Variants in ERO1B observed in about 807,000 individuals in gnomAD.
The protein encoded by ERO1B is endoplasmic reticulum oxidoreductase 1 beta.
A neutral mutation model predicts 75.3 loss-of-function variants in ERO1B; 49 were observed. The ratio of observed to expected loss-of-function variants is 0.65; its 90% CI spans 0.52 to 0.83. The LOEUF is 0.83. Among genes scored for constraint, ERO1B ranks in the 40% least tolerant of loss-of-function variants. The probability of loss-of-function intolerance (pLI) is 0.00; values close to 1 mark genes in which losing one functional copy is unlikely to be tolerated. For missense variants in ERO1B, 512 were observed against 560.1 expected, an observed-to-expected ratio of 0.91 and a Z score of 0.87; for synonymous variants, 191 against 192.9, an observed-to-expected ratio of 0.99 and a Z score of 0.08.
At chr1:236,264,959 T>C (rs1665398788) in intron 2 of ERO1B, among the ~76,000 whole-genome samples, 1 of 152,070 alleles carries the variant, frequency 6.6e-6, no homozygotes, top group Admixed American at 6.5e-5. Flanking sequence ...CTAGGCAATA[T>C]ATCCATGTAA....
intron 2 of ERO1B, among the ~76,000 whole-genome samples, chr1:236,256,919 G>A (rs74150397): frequency 2.6e-5 from 4 of 151,892 alleles, no homozygotes; most frequent in Non-Finnish European, 5.9e-5. Flanking sequence ...TCTCTTCCAA[G>A]TTAAAAAGTC....
At position 236,276,026 on chromosome 1, in the gene ERO1B, C is replaced by T. The variant is rs73117227; in HGVS notation, c.102+5656G>A. On this transcript the variant is annotated intron_variant, in intron 1 of 15. Coordinates refer to ENST00000354619, the MANE Select transcript of ERO1B (RefSeq NM_019891.4). ...TAACAGAGTGAATCATATGAATACA[C>T]GAGAAAAGTGTGTGCTAGGTAGAAG... is the stretch of plus-strand genomic sequence containing the variant. 1.6e-3 allele frequency among the ~76,000 whole-genome samples: 243 copies of T among 152,188 alleles called. 2 individuals carry two copies. Among genetic ancestry groups the T allele is most frequent in the African/African-American group, 5.5e-3 (227 of 41,516 alleles).
chr1:236,264,779 A>G (rs1376530292), intron 2 of ERO1B, among the ~76,000 whole-genome samples: 2 of 152,064 alleles, frequency 1.3e-5, no homozygotes, highest in Admixed American at 1.3e-4. Context: ...CAGGAGGTGG[A>G]GATTGCAGTG....
intron 2 of ERO1B, among the ~76,000 whole-genome samples, chr1:236,258,148 G>GAAAAA (rs1665205894): frequency 7.2e-4 from 1 of 1,392 alleles, no homozygotes; most frequent in African/African-American, 1.7e-3. Context: ...GAAAAACAAA[G>GAAAAA]CAAAAAAAAA....
chr1:236,241,272 G>A (rs1020251652), intron 6 of ERO1B, among the ~76,000 whole-genome samples: 2 of 152,174 alleles, frequency 1.3e-5, no homozygotes, highest in African/African-American at 2.4e-5. Context: ...GGCCAGGCAC[G>A]GTGGCTGATG....
chr1:236,269,983 A>G lies in ERO1B; in HGVS notation c.114T>C (p.Val38=). 1 of 1,594,580 alleles carries G rather than the reference A, an allele frequency of 6.3e-7. No individual in the cohort carries two copies. Among genetic ancestry groups the G allele is most frequent in the Non-Finnish European group, 8.6e-7 (1 of 1,166,162 alleles). ...CAATATCACACAAGCAATCATCCAG[A>G]ACTCCAGTGACCTAGAATTTATATA... ...RSVVEAQVTG[V]LDDCLCDIDS... The change falls in exon 2 of 16, where the codon GTT becomes GTC. Residue 38 remains valine (V), a synonymous_variant. Transcript: ENST00000354619.
Position 236,218,423 on chromosome 1 carries a change from G to T in ERO1B, c.*93C>A. The T allele has an allele frequency of 8.3e-7, 1 of 1,209,610 alleles. No homozygotes were observed. Among genetic ancestry groups the T allele is most frequent in the East Asian group, 4.0e-5 (1 of 25,204 alleles). The allele number at this position is 1,209,610 out of a possible 1,614,324, so 74.9% of individuals were successfully genotyped here. The stretch of plus-strand genomic sequence containing the variant: ...TTCTATTTAATAGTTCAGAATTCTT[G>T]AAGTCAGATTAGTGTCTTTCTGATG... On this transcript the variant is annotated 3_prime_UTR_variant, in exon 16 of 16. Coordinates refer to ENST00000354619, the MANE Select transcript of ERO1B (RefSeq NM_019891.4).
intron 15 of ERO1B, 38 bp from the exon 16 acceptor site, chr1:236,218,614 A>C: frequency 7.7e-7 from 1 of 1,297,794 alleles, no homozygotes; most frequent in Non-Finnish European, 1.0e-6. Context: ...TAAGGCTAAC[A>C]TGTTGCATAC....
chr1:236,249,184 C>T (rs1664956786), intron 5 of ERO1B, among the ~76,000 whole-genome samples: 2 of 151,760 alleles, frequency 1.3e-5, no homozygotes, highest in Non-Finnish European at 1.5e-5. Context: ...CGCCACCACA[C>T]CCGGCTAATT....
rs775609893 is a variant in ERO1B, at chr1:236,270,007, T to C, written c.103-13A>G. 6.5e-6 allele frequency: 10 copies of C among 1,541,832 alleles called. No homozygotes were observed. In the African/African-American group the frequency reaches 9.7e-5, roughly 15 times the overall value. ...GAACTCCAGTGACCTAGAATTTATA[T>C]AATTTAAAATATGTAAACTACTGAT... On this transcript the variant is annotated splice_polypyrimidine_tract_variant and intron_variant, in intron 1 of 15. Transcript: ENST00000354619.
chr1:236,226,421 G>T lies in ERO1B; in HGVS notation c.900C>A (p.Leu300=). 1 of 1,614,126 alleles carries T rather than the reference G, an allele frequency of 6.2e-7. No individual in the cohort carries two copies. The change falls in exon 12 of 16, where the codon CTC becomes CTA. Residue 300 remains leucine, a synonymous_variant. Coordinates refer to ENST00000354619, the MANE Select transcript of ERO1B (RefSeq NM_019891.4). The part of the protein sequence containing the change: ...VETKGEGPRR[L]KNLYFLYLIE... ...TCAAGTATAAAAAGTAAAGATTCTT[G>T]AGCCTTCTTGGACCTTCTCCCTTGG...
intron 1 of ERO1B, among the ~76,000 whole-genome samples, chr1:236,272,932 CA>C (rs1477581303): frequency 6.6e-6 from 1 of 152,098 alleles, no homozygotes; most frequent in Non-Finnish European, 1.5e-5. Context: ...TTCCCTGTTG[CA>C]AGTGTTACAT....
In ERO1B at chr1:236,236,366, G is replaced by A. The variant is rs1158964688; in HGVS notation, c.538C>T (p.Leu180=). ...GTGTAACGCTCTGGGTTCAGCAATA[G>A]GTCTACATACTGAGCAGCTGGAGAT... is the stretch of plus-strand genomic sequence containing the variant. ...ERSPAAQYVD[L]LLNPERYTGY... is the part of the protein sequence containing the mutation. The change falls in exon 7 of 16, where the codon CTA becomes TTA. Residue 180 remains leucine (L), a synonymous_variant. Transcript: ENST00000354619. 2 of 1,613,578 alleles carry A rather than the reference G, an allele frequency of 1.2e-6. No homozygotes were observed. The highest frequency in any genetic ancestry group is 1.6e-4 in the Middle Eastern group (1 of 6,084).
chr1:236,225,088 T>G lies in ERO1B; in HGVS notation c.1104A>C (p.Lys368Asn). Reference sequence around the variant, plus strand: ...TTTTTACCTTTAGTGACTTGGCCCCTTTTTTGTCACCTGCAAACATGGATT... The same window carrying G: ...TTTTTACCTTTAGTGACTTGGCCCCGTTTTTGTCACCTGCAAACATGGATT... The part of the protein sequence containing the change: ...DEKSMFAGDK[K>N]GAKSLKEEFR... The change falls in exon 13 of 16, where the codon AAA becomes AAC. Residue 368 changes from lysine to asparagine, a missense_variant. Physicochemically the swap from Lys to Asn is moderately conservative, Grantham distance 94 (BLOSUM62 0). Transcript: ENST00000354619. 1 of 1,613,196 alleles carries G rather than the reference T, an allele frequency of 6.2e-7. No homozygotes were observed. The highest frequency in any genetic ancestry group is 8.5e-7 in the Non-Finnish European group (1 of 1,179,284).
intron 2 of ERO1B, among the ~76,000 whole-genome samples, chr1:236,269,499 T>A (rs564342498): frequency 6.1e-4 from 93 of 152,220 alleles, no homozygotes; most frequent in Non-Finnish European, 1.2e-3. Flanking sequence ...AAGATGCTGC[T>A]GTGGTCCTTT....
intron 1 of ERO1B, among the ~76,000 whole-genome samples, chr1:236,279,586 T>C (rs1665782118): frequency 6.7e-6 from 1 of 148,524 alleles, no homozygotes. Context: ...CCCAGCACTT[T>C]GGGAGGCCGA....
At chr1:236,225,868 G>A (rs1664264909) in intron 12 of ERO1B, among the ~76,000 whole-genome samples, 1 of 152,160 alleles carries the variant, frequency 6.6e-6, no homozygotes. Flanking sequence ...CTGGGAGGCA[G>A]AGGCTGCAGT....
At chr1:236,278,606 G>A (rs1249351184) in intron 1 of ERO1B, among the ~76,000 whole-genome samples, 1 of 151,918 alleles carries the variant, frequency 6.6e-6, no homozygotes, top group Non-Finnish European at 1.5e-5. Context: ...ATATATTGAG[G>A]GGCTCTGTGT....
intron 1 of ERO1B, among the ~76,000 whole-genome samples, chr1:236,272,549 C>T (rs1347065796): frequency 4.6e-5 from 7 of 152,152 alleles, no homozygotes; most frequent in South Asian, 2.1e-4. Flanking sequence ...ACACTGGGGA[C>T]CCCAAAAGGT....
Sources: allele counts gnomAD v4.1 joint callset (sites outside exome capture counted in the v4.1 genomes callset), GRCh38; gene constraint gnomAD v4.1.1; transcripts MANE v1.5; gene names NCBI Gene and HGNC (gene_info 2026-07-23, HGNC 2026-07-21).